The following FHIT variants were observed in gnomAD, a reference collection of about 807,000 sequenced individuals.
The protein encoded by FHIT is fragile histidine triad diadenosine triphosphatase, also known as bis(5'-adenosyl)-triphosphatase.
In FHIT, 19 loss-of-function variants were observed where a neutral mutation model predicts 17.9. That is an observed-to-expected ratio of 1.06 (90% CI 0.74 to 1.56). The LOEUF (loss-of-function observed/expected upper bound fraction) is 1.56, where lower values mean the gene tolerates loss of function less well. Among genes scored for constraint, FHIT ranks in the 40% most tolerant of loss-of-function variants. The probability of loss-of-function intolerance (pLI) is 0.00; values close to 1 mark genes in which losing one functional copy is unlikely to be tolerated. For synonymous variants in FHIT, 81 were observed against 69.7 expected (o/e 1.16, Z -0.81); for missense variants, 248 against 189.2 (o/e 1.31, Z -1.82).
At chr3:61,151,152 T>G (rs1267725893) in intron 2 of FHIT, among the ~76,000 whole-genome samples, 2 of 152,250 alleles carry the variant, frequency 1.3e-5, no homozygotes, top group African/African-American at 4.8e-5. Flanking sequence ...TATTACTGCT[T>G]CTTTTTCCAA....
intron 4 of FHIT, among the ~76,000 whole-genome samples, chr3:60,539,071 C>T (rs2036089389): frequency 6.6e-6 from 1 of 151,982 alleles, no homozygotes; most frequent in Admixed American, 6.6e-5. Context: ...CCAGAATCTA[C>T]AAAGAACTCA....
At chr3:60,533,437 C>T (rs149739748) in intron 5 of FHIT, among the ~76,000 whole-genome samples, 3 of 152,310 alleles carry the variant, frequency 2.0e-5, no homozygotes, top group Admixed American at 6.5e-5. Context: ...AGCAAAGACT[C>T]AGTGCAGACA....
At chr3:60,165,778 A>G (rs1407440607) in intron 5 of FHIT, among the ~76,000 whole-genome samples, 1 of 152,200 alleles carries the variant, frequency 6.6e-6, no homozygotes, top group African/African-American at 2.4e-5. Flanking sequence ...GGACATTGGT[A>G]GAAGCAAACA....
chr3:60,003,274 T>C (rs992499394), intron 7 of FHIT, among the ~76,000 whole-genome samples: 4 of 152,160 alleles, frequency 2.6e-5, no homozygotes, highest in African/African-American at 9.7e-5. Flanking sequence ...CTAAGCCATA[T>C]ATAGATCTAC....
rs1350741128 is a variant in FHIT at position 60,606,142 on chromosome 3, A to C, written c.-17-69163T>G. 2.6e-5 allele frequency among the ~76,000 whole-genome samples: 4 copies of C among 152,108 alleles called. No homozygotes were observed. In the East Asian group the frequency reaches 7.7e-4, roughly 29 times the overall value. The stretch of plus-strand genomic sequence containing the variant: ...CTCTTTCTCCCTAACTTCCTACCCA[A>C]CAAAGAATCCTCCTCTACAATATTC... On this transcript the variant is annotated intron_variant, in intron 4 of 9. Transcript: ENST00000492590.
chr3:61,032,813 A>G, intron 3 of FHIT, among the ~76,000 whole-genome samples: 1 of 152,202 alleles, frequency 6.6e-6, no homozygotes, highest in Non-Finnish European at 1.5e-5. Context: ...GGCCCATGCC[A>G]TTATGGAGGC....
intron 1 of FHIT, among the ~76,000 whole-genome samples, chr3:61,202,039 T>TAC (rs1560067048): frequency 6.6e-6 from 1 of 151,146 alleles, no homozygotes; most frequent in African/African-American, 2.4e-5. Flanking sequence ...TGTATATATA[T>TAC]ACCTACATAT....
chr3:61,119,900 T>C (rs964712194), intron 2 of FHIT, among the ~76,000 whole-genome samples: 4 of 152,230 alleles, frequency 2.6e-5, no homozygotes, highest in Non-Finnish European at 5.9e-5. Context: ...GCTGAGACTA[T>C]ACCGCCAGCT....
intron 5 of FHIT, among the ~76,000 whole-genome samples, chr3:60,520,386 T>A (rs1324352347): frequency 6.6e-6 from 1 of 152,164 alleles, no homozygotes; most frequent in African/African-American, 2.4e-5. Flanking sequence ...TTCAGTAGTA[T>A]CAGAACTACA....
chr3:61,007,286 A>G (rs946495267), intron 3 of FHIT, among the ~76,000 whole-genome samples: 7 of 152,212 alleles, frequency 4.6e-5, no homozygotes, highest in Non-Finnish European at 7.3e-5. Context: ...TGTATTTTGT[A>G]GCCCCCAGAC....
At chr3:60,252,500 G>A (rs1705764354) in intron 5 of FHIT, among the ~76,000 whole-genome samples, 1 of 152,058 alleles carries the variant, frequency 6.6e-6, no homozygotes, top group Admixed American at 6.6e-5. Context: ...GGGGGTCAAG[G>A]CTGCACTGCG....
chr3:61,202,025 CAT>C (rs1239615931), intron 1 of FHIT, among the ~76,000 whole-genome samples: 2 of 151,650 alleles, frequency 1.3e-5, no homozygotes, highest in Admixed American at 6.6e-5. Context: ...TATACATACA[CAT>C]GTGTATATAT....
intron 5 of FHIT, among the ~76,000 whole-genome samples, chr3:60,345,010 A>G (rs541133745): frequency 1.4e-4 from 21 of 152,342 alleles, no homozygotes; most frequent in Non-Finnish European, 2.4e-4. Flanking sequence ...TTCCCTTTGT[A>G]TAAACACTAT....
intron 4 of FHIT, among the ~76,000 whole-genome samples, chr3:60,760,824 G>A (rs76559625): frequency 1.4e-3 from 206 of 152,266 alleles, no homozygotes; most frequent in Non-Finnish European, 1.4e-3. Context: ...GAGAATGTAC[G>A]TGGCAGTTGC....
At chr3:61,065,073 T>C (rs997279128) in intron 2 of FHIT, among the ~76,000 whole-genome samples, 3 of 152,134 alleles carry the variant, frequency 2.0e-5, no homozygotes, top group Admixed American at 1.3e-4. Context: ...TCTTATTATA[T>C]AGACTGATTG....
At chr3:60,189,002 G>T (rs1702281718) in intron 5 of FHIT, among the ~76,000 whole-genome samples, 1 of 152,084 alleles carries the variant, frequency 6.6e-6, no homozygotes, top group South Asian at 2.1e-4. Context: ...ATGATCTGCA[G>T]CCCGGTGAAT....
chr3:60,608,350 C>G (rs2856032), intron 4 of FHIT, among the ~76,000 whole-genome samples: 135,212 of 152,182 alleles, frequency 0.89, 60,117 homozygotes, highest in Admixed American at 0.9. Flanking sequence ...GGTGCTATGG[C>G]TGTTCTGGAC....
chr3:60,119,067 A>C (rs1705125669), intron 5 of FHIT, among the ~76,000 whole-genome samples: 1 of 151,622 alleles, frequency 6.6e-6, no homozygotes, highest in Non-Finnish European at 1.5e-5. Context: ...CTATTTCTTC[A>C]ATTTTTAATT....
At position 61,028,112 on chromosome 3, in the gene FHIT, A is replaced by T. The variant is rs922405620; in HGVS notation, c.-111+13935T>A. ...GTTTTAGCTTCAGGTAAGGCTACCA[A>T]ATTAGATCATTGTATTTAAATATAC... On this transcript the variant is annotated intron_variant, in intron 3 of 9. Transcript: ENST00000492590. Among the ~76,000 whole-genome samples the T allele has an allele frequency of 2.0e-5, 3 of 152,198 alleles. No homozygotes were observed. In the South Asian group the frequency reaches 6.2e-4, roughly 31 times the overall value.
Sources: allele counts gnomAD v4.1 joint callset (sites outside exome capture counted in the v4.1 genomes callset), GRCh38; gene constraint gnomAD v4.1.1; transcripts MANE v1.5; gene names NCBI Gene and HGNC (gene_info 2026-07-23, HGNC 2026-07-21).